Variants in MYO9A observed in about 807,000 individuals in gnomAD.
MYO9A encodes unconventional myosin-IXa.
In MYO9A, 103 loss-of-function variants were observed where a neutral mutation model predicts 293.3. The ratio of observed to expected loss-of-function variants is 0.35; its 90% confidence interval spans 0.30 to 0.41. The LOEUF is 0.41. Ranked by LOEUF, MYO9A falls within the 10% of genes least tolerant of loss-of-function variation. MYO9A has a pLI of 1.00. For synonymous variants in MYO9A, 1,001 were observed against 1,035.7 expected, an observed-to-expected ratio of 0.97 and a Z score of 0.64; for missense variants, 2,685 against 3,033.0, an observed-to-expected ratio of 0.89 and a Z score of 2.69.
chr15:72,111,236 T>C (rs2080769222), intron 1 of MYO9A, among the ~76,000 whole-genome samples: 1 of 151,738 alleles, frequency 6.6e-6, no homozygotes, highest in Non-Finnish European at 1.5e-5. Flanking sequence ...ACACCTATAA[T>C]CCCAGCATTT....
At chr15:72,049,054 C>T (rs1463650356) in intron 1 of MYO9A, among the ~76,000 whole-genome samples, 3 of 152,136 alleles carry the variant, frequency 2.0e-5, no homozygotes, top group Non-Finnish European at 4.4e-5. Flanking sequence ...CGGAACTGCT[C>T]TTATGGTTAT....
chr15:72,074,951 C>CTTTTTTTTTTT lies in MYO9A; in HGVS notation c.-71-28328_-71-28318dup, dbSNP rs750462703. ...CAGTTAGAAATTTCATTTTCACTGCCTTTTTTTTTTTTTTTTTTTTTTTTT... is the reference window on the plus strand; with the variant it reads ...CAGTTAGAAATTTCATTTTCACTGCCTTTTTTTTTTTTTTTTTTTTTTTTTTTTTTTTTTTT... On this transcript the variant is annotated intron_variant, in intron 1 of 41. Coordinates refer to ENST00000356056, the MANE Select transcript of MYO9A (RefSeq NM_006901.4). Among the ~76,000 whole-genome samples the CTTTTTTTTTTT allele has an allele frequency of 8.5e-4, 45 of 53,128 alleles. 6 individuals carry two copies. The highest frequency in any genetic ancestry group is 1.5e-3 in the East Asian group (2 of 1,368). The allele number at this position is 53,128 out of a possible 152,430, so 34.9% of individuals were successfully genotyped here.
chr15:71,916,604 G>T, intron 18 of MYO9A, 112 bp from the exon 19 acceptor site: 1 of 1,014,614 alleles, frequency 9.9e-7, no homozygotes, highest in Non-Finnish European at 1.4e-6. Context: ...CATCTTAAAT[G>T]ACTGTAGTGA....
At chr15:72,054,975 G>A (rs1200264008) in intron 1 of MYO9A, among the ~76,000 whole-genome samples, 1 of 151,640 alleles carries the variant, frequency 6.6e-6, no homozygotes, top group East Asian at 1.9e-4. Flanking sequence ...GAGATAAGAT[G>A]TGACGAGACT....
intron 18 of MYO9A, among the ~76,000 whole-genome samples, chr15:71,925,244 C>CAT (rs2058269843): frequency 1.4e-5 from 2 of 145,958 alleles, no homozygotes; most frequent in African/African-American, 5.1e-5. Flanking sequence ...CATATATATA[C>CAT]ATATACGTAT....
chr15:72,034,315 A>C (rs1165686779), intron 2 of MYO9A, among the ~76,000 whole-genome samples: 1 of 152,214 alleles, frequency 6.6e-6, no homozygotes, highest in Non-Finnish European at 1.5e-5. Context: ...ATGTAAGCCA[A>C]AGTTTGACAA....
intron 1 of MYO9A, among the ~76,000 whole-genome samples, chr15:72,092,487 G>A (rs970655343): frequency 1.3e-5 from 2 of 152,170 alleles, no homozygotes; most frequent in Non-Finnish European, 2.9e-5. Context: ...TGAGGCAGCA[G>A]GATCCCTTGA....
At chr15:71,917,909 C>T (rs187037522) in intron 18 of MYO9A, among the ~76,000 whole-genome samples, 2 of 151,928 alleles carry the variant, frequency 1.3e-5, no homozygotes, top group Admixed American at 1.3e-4. Flanking sequence ...AAGTACAACA[C>T]ACATGTAAAC....
intron 32 of MYO9A, among the ~76,000 whole-genome samples, chr15:71,864,045 G>A (rs1230968356): frequency 6.6e-6 from 1 of 152,064 alleles, no homozygotes; most frequent in Non-Finnish European, 1.5e-5. Context: ...CCACAGACTC[G>A]GAGAAAACAT....
chr15:71,852,389 G>A (rs2055690171), intron 35 of MYO9A, 129 bp from the exon 36 acceptor site: 1 of 916,120 alleles, frequency 1.1e-6, no homozygotes, highest in African/African-American at 1.8e-5. Flanking sequence ...TTGAGATGGA[G>A]TTTCACTCTT....
At chr15:71,959,217 G>C (rs2059269765) in intron 14 of MYO9A, 1 of 152,074 alleles carries the variant, frequency 6.6e-6, no homozygotes, top group Non-Finnish European at 1.5e-5. Context: ...ATGGAAACTA[G>C]GTTCAATTAT....
chr15:72,070,988 T>C (rs2079173082), intron 1 of MYO9A, among the ~76,000 whole-genome samples: 1 of 152,222 alleles, frequency 6.6e-6, no homozygotes, highest in Non-Finnish European at 1.5e-5. Flanking sequence ...TCTGAACATT[T>C]GCCTAGGCAA....
intron 26 of MYO9A, chr15:71,890,735 A>G (rs974422118): frequency 3.3e-5 from 5 of 152,148 alleles, no homozygotes; most frequent in Admixed American, 1.3e-4. Context: ...TAAAAACTCA[A>G]ATCTCCTTCA....
At chr15:71,980,836 T>C (rs1567343262) in intron 11 of MYO9A, among the ~76,000 whole-genome samples, 1 of 152,176 alleles carries the variant, frequency 6.6e-6, no homozygotes. Flanking sequence ...AGACTCTGTC[T>C]TAAAAACAAA....
Position 71,852,381 on chromosome 15 carries a change from G to A in MYO9A, c.6347-121C>T, listed in dbSNP as rs941926789. 18 of 662,136 alleles carry A rather than the reference G, an allele frequency of 2.7e-5. No homozygotes were observed. In the African/African-American group the frequency reaches 5.5e-4, roughly 20 times the overall value. The allele number at this position is 662,136 out of a possible 1,614,324, so 41.0% of individuals were successfully genotyped here. The stretch of plus-strand genomic sequence containing the variant: ...ATGTTTCTTTTTTTTTTTTTTTTTT[G>A]AGATGGAGTTTCACTCTTGTTGGCC... On this transcript the variant is annotated intron_variant, in intron 35 of 41. Transcript: ENST00000356056.
At chr15:71,850,747 C>A (rs1411672493) in intron 37 of MYO9A, among the ~76,000 whole-genome samples, 2 of 103,334 alleles carry the variant, frequency 1.9e-5, no homozygotes, top group Admixed American at 1.4e-4. Flanking sequence ...GCCTGGGTGA[C>A]AGACTGAAAC....
chr15:71,905,611 C>G (rs1337117356), intron 19 of MYO9A, among the ~76,000 whole-genome samples: 1 of 151,842 alleles, frequency 6.6e-6, no homozygotes, highest in Non-Finnish European at 1.5e-5. Context: ...CATGGTGAAA[C>G]CCCATCTCTA....
At chr15:72,019,544 T>C (rs919662070) in intron 5 of MYO9A, among the ~76,000 whole-genome samples, 1 of 152,274 alleles carries the variant, frequency 6.6e-6, no homozygotes, top group South Asian at 2.1e-4. Context: ...AGAAGCTGAA[T>C]TAGCAAATAT....
intron 12 of MYO9A, among the ~76,000 whole-genome samples, 191 bp downstream of exon 12, chr15:71,977,980 T>C (rs1197971408): frequency 1.3e-5 from 2 of 152,238 alleles, no homozygotes; most frequent in African/African-American, 2.4e-5. Flanking sequence ...GAGGTTGCAA[T>C]GAGCCGAGAT....
Sources: gnomAD v4.1 joint callset for allele counts (sites outside exome capture counted in the v4.1 genomes callset) on GRCh38, gnomAD v4.1.1 for gene constraint, MANE v1.5 for transcripts, NCBI Gene and HGNC (gene_info 2026-07-23, HGNC 2026-07-21) for gene names.